ANKRD10: variants seen among roughly 807,000 people sequenced by gnomAD.
The protein encoded by ANKRD10 is ankyrin repeat domain-containing protein 10.
Under a neutral mutation model 27.0 loss-of-function variants are expected in ANKRD10, and 14 were observed. That is an observed-to-expected ratio of 0.52 (90% CI 0.34 to 0.81). The LOEUF (loss-of-function observed/expected upper bound fraction) is 0.81, where lower values mean the gene tolerates loss of function less well. ANKRD10 is among the 40% of genes least tolerant of loss of function. The probability of loss-of-function intolerance (pLI) is 0.01; values close to 1 mark genes in which losing one functional copy is unlikely to be tolerated. For missense variants in ANKRD10, 493 were observed against 544.0 expected, an observed-to-expected ratio of 0.91 and a Z score of 0.93; for synonymous variants, 250 against 224.5, an observed-to-expected ratio of 1.11 and a Z score of -1.01.
intron 3 of ANKRD10, among the ~76,000 whole-genome samples, chr13:110,896,628 G>T (rs1473765567): frequency 2.0e-5 from 3 of 152,190 alleles, no homozygotes. Context: ...TTTCTAAAAA[G>T]GACTATGTAG....
chr13:110,896,078 T>G (rs2065219356), intron 3 of ANKRD10, among the ~76,000 whole-genome samples: 1 of 152,162 alleles, frequency 6.6e-6, no homozygotes, highest in Non-Finnish European at 1.5e-5. Flanking sequence ...TCAAACAACT[T>G]CTAGCATCTC....
chr13:110,912,917 C>G (rs1206592998), intron 1 of ANKRD10, among the ~76,000 whole-genome samples: 1 of 152,164 alleles, frequency 6.6e-6, no homozygotes, highest in Non-Finnish European at 1.5e-5. Context: ...ACCAAAGAGC[C>G]CTATGATTCA....
intron 1 of ANKRD10, among the ~76,000 whole-genome samples, chr13:110,912,776 T>C (rs541851447): frequency 1.3e-5 from 2 of 152,220 alleles, no homozygotes; most frequent in Non-Finnish European, 2.9e-5. Flanking sequence ...TTAGCAGGGC[T>C]GGGGAGAAAG....
chr13:110,886,399 C>T (rs534388149), intron 4 of ANKRD10, among the ~76,000 whole-genome samples: 1 of 152,334 alleles, frequency 6.6e-6, no homozygotes, highest in South Asian at 2.1e-4. Flanking sequence ...ATCATTCCAA[C>T]AGAACCTTAG....
chr13:110,900,607 C>T (rs771170747), intron 3 of ANKRD10: 33 of 1,351,670 alleles, frequency 2.4e-5, no homozygotes, highest in African/African-American at 3.0e-5. Context: ...TTCGGAGAAG[C>T]ACCTGTGGCA....
chr13:110,913,179 A>G (rs2065769895), intron 1 of ANKRD10, among the ~76,000 whole-genome samples: 1 of 152,232 alleles, frequency 6.6e-6, no homozygotes, highest in Non-Finnish European at 1.5e-5. Context: ...TAAGCATTCT[A>G]CAGATCGTTG....
In ANKRD10 at chr13:110,891,074, A is replaced by C. The variant is rs184655924; in HGVS notation, c.691+1954T>G. Among the ~76,000 whole-genome samples the C allele has an allele frequency of 3.0e-3, 461 of 152,332 alleles. 3 individuals carry two copies. The highest frequency in any genetic ancestry group is 5.5e-3 in the Non-Finnish European group (376 of 68,022). On this transcript the variant is annotated intron_variant, in intron 4 of 5. Transcript: ENST00000267339. ...CATTTTGAGTCCAATTAGCATGTTA[A>C]GTGATCTCTTTTTAAAAATACTAAA...
intron 3 of ANKRD10, among the ~76,000 whole-genome samples, chr13:110,901,691 G>A (rs2065384853): frequency 6.6e-6 from 1 of 152,124 alleles, no homozygotes; most frequent in Non-Finnish European, 1.5e-5. Flanking sequence ...CCTCCATCCT[G>A]AAACACCTTA....
chr13:110,893,930 G>A (rs906249447), intron 3 of ANKRD10, among the ~76,000 whole-genome samples: 1 of 152,140 alleles, frequency 6.6e-6, no homozygotes, highest in Non-Finnish European at 1.5e-5. Context: ...AAAAGGCTTT[G>A]AATACTGTCC....
At chr13:110,891,034 G>A (rs1594565824) in intron 4 of ANKRD10, among the ~76,000 whole-genome samples, 1 of 152,074 alleles carries the variant, frequency 6.6e-6, no homozygotes, top group Non-Finnish European at 1.5e-5. Context: ...CTAGTTTTAC[G>A]AACTCTTCTA....
chr13:110,902,910 C>T lies in ANKRD10; in HGVS notation c.455+3123G>A, dbSNP rs541532868. Among the ~76,000 whole-genome samples, 90 of 152,258 alleles carry T rather than the reference C, an allele frequency of 5.9e-4. 1 individual carries two copies. The highest frequency in any genetic ancestry group is 2.1e-3 in the African/African-American group (89 of 41,558). ...CACTTATCTCTCAAGAAAATAAACA[C>T]AAATCAGCCAAAAGTAATTGGTACC... is the stretch of plus-strand genomic sequence containing the variant. On this transcript the variant is annotated intron_variant, in intron 3 of 5. Coordinates refer to ENST00000267339, the MANE Select transcript of ANKRD10 (RefSeq NM_017664.4).
At chr13:110,883,892 T>TTA in intron 4 of ANKRD10, 99 bp from the exon 5 acceptor site, 1 of 1,354,688 alleles carries the variant, frequency 7.4e-7, no homozygotes, top group Non-Finnish European at 9.9e-7. Flanking sequence ...ACTGAACACT[T>TTA]TAAACAATCA....
At chr13:110,907,910 G>A (rs2065582657) in intron 2 of ANKRD10, among the ~76,000 whole-genome samples, 1 of 151,810 alleles carries the variant, frequency 6.6e-6, no homozygotes, top group South Asian at 2.1e-4. Context: ...GCTATCCTTG[G>A]AACAAGACAA....
In ANKRD10 at chr13:110,879,233, G is replaced by A. The variant is rs565487155; in HGVS notation, c.*404C>T. ...CCGTCAAATTCTACAGAAAAGAGTG[G>A]AAGCAAGCTTTTTAAAATGATGCCC... On this transcript the variant is annotated 3_prime_UTR_variant, in exon 6 of 6. Transcript: ENST00000267339. 5.5e-5 allele frequency: 11 copies of A among 200,754 alleles called. No individual in the cohort carries two copies. Among genetic ancestry groups the A allele is most frequent in the African/African-American group, 2.5e-4 (11 of 43,966 alleles). The allele number at this position is 200,754 out of a possible 1,614,324, so 12.4% of individuals were successfully genotyped here. A position where few individuals can be genotyped will look rare whatever the true frequency, so the allele number is the denominator to read the frequency against.
chr13:110,892,567 A>G (rs2065109541), intron 4 of ANKRD10: 1 of 249,584 alleles, frequency 4.0e-6, no homozygotes, highest in African/African-American at 2.3e-5. Flanking sequence ...AGGTCAAATC[A>G]TAGTACAGAA....
chr13:110,910,516 T>C (rs374687918), intron 2 of ANKRD10, 102 bp downstream of exon 2: 24 of 1,436,862 alleles, frequency 1.7e-5, no homozygotes, highest in Non-Finnish European at 2.3e-5. Context: ...GGTAAAGATA[T>C]CAAACTCTAA....
intron 1 of ANKRD10, among the ~76,000 whole-genome samples, chr13:110,914,180 G>A (rs1328103054): frequency 1.3e-5 from 2 of 152,130 alleles, no homozygotes; most frequent in Non-Finnish European, 2.9e-5. Context: ...CTCCTCGGCT[G>A]AGCTCGTCCG....
intron 4 of ANKRD10, among the ~76,000 whole-genome samples, chr13:110,886,352 G>C (rs1017898957): frequency 5.9e-5 from 9 of 152,184 alleles, no homozygotes; most frequent in African/African-American, 1.9e-4. Flanking sequence ...AGAATGAAAG[G>C]CTTCCATATT....
chr13:110,897,460 A>G (rs764554832), intron 3 of ANKRD10, among the ~76,000 whole-genome samples: 1 of 151,826 alleles, frequency 6.6e-6, no homozygotes, highest in East Asian at 1.9e-4. Context: ...AGTACAGTAC[A>G]TGGAGTATTT....
Sources: gnomAD v4.1 joint callset for allele counts (sites outside exome capture counted in the v4.1 genomes callset) on GRCh38, gnomAD v4.1.1 for gene constraint, MANE v1.5 for transcripts, NCBI Gene and HGNC (gene_info 2026-07-23, HGNC 2026-07-21) for gene names.